The following FBXL14 variants were observed in gnomAD, a reference collection of about 807,000 sequenced individuals.
FBXL14 encodes F-box and leucine rich repeat protein 14.
In FBXL14, 11 loss-of-function variants were observed where a neutral mutation model predicts 24.5. The observed-to-expected ratio is 0.45, with a 90% CI of 0.28 to 0.74. FBXL14 has a LOEUF of 0.74. Ranked by LOEUF, FBXL14 falls within the 30% of genes least tolerant of loss-of-function variation. The probability of loss-of-function intolerance (pLI) is 0.12; values close to 1 mark genes in which losing one functional copy is unlikely to be tolerated. For missense variants in FBXL14, 384 were observed against 545.6 expected, an observed-to-expected ratio of 0.70 and a Z score of 2.95; for synonymous variants, 294 against 240.4, an observed-to-expected ratio of 1.22 and a Z score of -2.06.
chr12:1,591,312 A>G (rs765108074), intron 1 of FBXL14, among the ~76,000 whole-genome samples: 9 of 148,788 alleles, frequency 6.0e-5, no homozygotes, highest in Admixed American at 2.0e-4. Context: ...CAAGCACACA[A>G]TGCCTTAAAA....
At chr12:1,568,220 T>A (rs925736628) in intron 1 of FBXL14, among the ~76,000 whole-genome samples, 8 of 152,186 alleles carry the variant, frequency 5.3e-5, no homozygotes, top group Non-Finnish European at 1.0e-4. Flanking sequence ...ACCTGACTTA[T>A]CCTCAGAAAC....
Position 1,569,442 on chromosome 12 carries a change from C to A in FBXL14, c.1195-2632G>T, listed in dbSNP as rs1271184078. 2.0e-5 allele frequency among the ~76,000 whole-genome samples: 3 copies of A among 151,584 alleles called. No homozygotes were observed. The East Asian group carries it at 5.8e-4, about 29-fold the overall frequency. On this transcript the variant is annotated intron_variant, in intron 1 of 1. Coordinates refer to ENST00000339235, the MANE Select transcript of FBXL14 (RefSeq NM_152441.3). The surrounding 1 kb of genome is among the most constrained non-coding windows in gnomAD (Gnocchi z 4.2). Reference sequence around the variant, plus strand: ...CTGAGACGGAGTCTCGCTCTGTCACCCAGGCTAGAGTGCAGTGCCGCAATC... The same window carrying A: ...CTGAGACGGAGTCTCGCTCTGTCACACAGGCTAGAGTGCAGTGCCGCAATC...
chr12:1,583,447 A>G (rs2094470702), intron 1 of FBXL14, among the ~76,000 whole-genome samples: 1 of 152,238 alleles, frequency 6.6e-6, no homozygotes, highest in Non-Finnish European at 1.5e-5. Context: ...GAGAGCTGCA[A>G]AATAACACCT....
chr12:1,582,084 C>A (rs1396409482), intron 1 of FBXL14, among the ~76,000 whole-genome samples: 1 of 149,720 alleles, frequency 6.7e-6, no homozygotes, highest in Non-Finnish European at 1.5e-5. Flanking sequence ...TGAGATTGCA[C>A]CACTGCATTC....
intron 1 of FBXL14, among the ~76,000 whole-genome samples, chr12:1,580,259 C>T (rs1388866242): frequency 1.3e-5 from 2 of 152,206 alleles, no homozygotes; most frequent in Non-Finnish European, 2.9e-5. Flanking sequence ...ACGCTGCCCT[C>T]TGAATACAGA....
intron 1 of FBXL14, among the ~76,000 whole-genome samples, chr12:1,568,158 G>A (rs57061022): frequency 0.037 from 5,646 of 152,212 alleles, 180 homozygotes; most frequent in East Asian, 0.076. Flanking sequence ...TCCTGGAAGG[G>A]GCCAGAGTGA....
rs138856017 is a variant in FBXL14 at position 1,579,687 on chromosome 12, T to C, written c.1195-12877A>G. 6.6e-3 allele frequency among the ~76,000 whole-genome samples: 1,001 copies of C among 152,278 alleles called. 3 individuals are homozygous for C. The highest frequency in any genetic ancestry group is 0.023 in the African/African-American group (958 of 41,556). On this transcript the variant is annotated intron_variant, in intron 1 of 1. Coordinates refer to ENST00000339235, the MANE Select transcript of FBXL14 (RefSeq NM_152441.3). The surrounding 1 kb of genome is among the most constrained non-coding windows in gnomAD (Gnocchi z 4.3). ...TTTCAGGAACTTTGAAGAAAGGACC[T>C]GAAAATTATTACTCAGGCTGGTATT...
chr12:1,578,072 A>T (rs2094459378), intron 1 of FBXL14, among the ~76,000 whole-genome samples: 1 of 152,222 alleles, frequency 6.6e-6, no homozygotes, highest in Non-Finnish European at 1.5e-5. Context: ...GTAACATTTC[A>T]TAACTGCGAT....
intron 1 of FBXL14, 104 bp downstream of exon 1, chr12:1,592,769 C>T: frequency 9.9e-7 from 1 of 1,013,708 alleles, no homozygotes. Flanking sequence ...TCATCCGCTG[C>T]AATGATCTGT....
chr12:1,589,756 C>T (rs1056323914), intron 1 of FBXL14, among the ~76,000 whole-genome samples: 43 of 152,140 alleles, frequency 2.8e-4, no homozygotes, highest in Non-Finnish European at 3.2e-4. Flanking sequence ...ATCATCTTTC[C>T]CAGAGAAGCT....
At chr12:1,587,463 G>A (rs1815440567) in intron 1 of FBXL14, 1 of 152,052 alleles carries the variant, frequency 6.6e-6, no homozygotes, top group Admixed American at 6.6e-5. Context: ...CTCAACTGGA[G>A]GGCTTGGCTT....
At chr12:1,576,599 C>T (rs1402055752) in intron 1 of FBXL14, among the ~76,000 whole-genome samples, 1 of 152,166 alleles carries the variant, frequency 6.6e-6, no homozygotes, top group African/African-American at 2.4e-5. Context: ...CAACTATTTT[C>T]CCCCTAAAAT....
chr12:1,575,922 A>G (rs1003387884), intron 1 of FBXL14, among the ~76,000 whole-genome samples: 4 of 152,074 alleles, frequency 2.6e-5, no homozygotes, highest in African/African-American at 9.7e-5. Flanking sequence ...GTCCTGAGGA[A>G]ATGCTCAGAG....
Position 1,594,537 on chromosome 12 carries a change from G to C in FBXL14, c.-471C>G, listed in dbSNP as rs897681177. Among the ~76,000 whole-genome samples the C allele has an allele frequency of 6.8e-6, 1 of 147,880 alleles. No homozygotes were observed. Among genetic ancestry groups the C allele is most frequent in the South Asian group, 2.1e-4 (1 of 4,810 alleles). On this transcript the variant is annotated 5_prime_UTR_variant, in exon 1 of 2. Transcript: ENST00000339235. ...CGGGGGCCGGGCGCACGGGCTCCGG[G>C]CGCGGAGGAGGCTTCCTGCTGCCTT... is the stretch of plus-strand genomic sequence containing the variant.
chr12:1,574,365 G>A (rs2094451147), intron 1 of FBXL14, among the ~76,000 whole-genome samples: 1 of 152,192 alleles, frequency 6.6e-6, no homozygotes, highest in South Asian at 2.1e-4. Context: ...GTGAGAGGAG[G>A]CTGGTGGCAG....
rs139608757 is a variant in FBXL14, at chr12:1,571,370, G to A, written c.1195-4560C>T. Among the ~76,000 whole-genome samples, 352 of 152,088 alleles carry A rather than the reference G, an allele frequency of 2.3e-3. 2 individuals are homozygous for A. The highest frequency in any genetic ancestry group is 7.5e-3 in the African/African-American group (310 of 41,508). On this transcript the variant is annotated intron_variant, in intron 1 of 1. Coordinates refer to ENST00000339235, the MANE Select transcript of FBXL14 (RefSeq NM_152441.3). ...ATTACAGGCATGCGCCACCACACCC[G>A]GCTAATTTTGTATTTTTAGTAGAGA...
In FBXL14 at chr12:1,567,972, A is replaced by C. The variant is rs1270862021; in HGVS notation, c.1195-1162T>G. Among the ~76,000 whole-genome samples the C allele has an allele frequency of 3.3e-5, 5 of 152,264 alleles. No homozygotes were observed. The highest frequency in any genetic ancestry group is 1.2e-4 in the African/African-American group (5 of 41,474). On this transcript the variant is annotated intron_variant, in intron 1 of 1. Coordinates refer to ENST00000339235, the MANE Select transcript of FBXL14 (RefSeq NM_152441.3). The surrounding 1 kb of genome is among the most constrained non-coding windows in gnomAD (Gnocchi z 4.8). ...AAAAGGTGTAGCATGTGTAATGGGAATACCAGGAGGAGGAGAAAGAAGAAA... is the reference window on the plus strand; with the variant it reads ...AAAAGGTGTAGCATGTGTAATGGGACTACCAGGAGGAGGAGAAAGAAGAAA...
Position 1,593,960 on chromosome 12 carries a change from C to T in FBXL14, c.107G>A (p.Arg36Gln). ...GRAAQVCTAWRDAAYHKSVWR... is the reference protein window; with the variant it reads ...GRAAQVCTAWQDAAYHKSVWR... The stretch of plus-strand genomic sequence containing the variant: ...CACCGACTTGTGGTAGGCGGCGTCC[C>T]GCCAGGCGGTGCACACCTGCGCCGC... The change falls in exon 1 of 2, where the codon CGG becomes CAG. Residue 36 changes from arginine to glutamine, a missense_variant. Arg to Gln is a conservative substitution (Grantham distance 43). Coordinates refer to ENST00000339235, the MANE Select transcript of FBXL14 (RefSeq NM_152441.3). The surrounding 1 kb of genome is among the most constrained non-coding windows in gnomAD (Gnocchi z 7.4). 6.3e-7 allele frequency: 1 copy of T among 1,590,098 alleles called. No individual in the cohort carries two copies. Among genetic ancestry groups the T allele is most frequent in the Non-Finnish European group, 8.5e-7 (1 of 1,175,992 alleles).
chr12:1,581,513 T>C (rs1284671858), intron 1 of FBXL14, among the ~76,000 whole-genome samples: 3 of 152,198 alleles, frequency 2.0e-5, no homozygotes, highest in African/African-American at 7.2e-5. Context: ...GAAGGGCCCA[T>C]GTGAGGAATG....
Sources: gnomAD v4.1 joint callset for allele counts (sites outside exome capture counted in the v4.1 genomes callset) on GRCh38, gnomAD v4.1.1 for gene constraint, Gnocchi (gnomAD v3.1) non-coding constraint, MANE v1.5 for transcripts, NCBI Gene and HGNC (gene_info 2026-07-23, HGNC 2026-07-21) for gene names.